The following FSTL5 variants were observed in gnomAD, a reference collection of about 807,000 sequenced individuals.
The protein encoded by FSTL5 is follistatin like 5.
Under a neutral mutation model 89.1 loss-of-function variants are expected in FSTL5, and 62 were observed. The ratio of observed to expected loss-of-function variants is 0.70; its 90% confidence interval spans 0.57 to 0.86. The LOEUF is 0.86. Among genes scored for constraint, FSTL5 ranks in the 40% least tolerant of loss-of-function variants. FSTL5 has a pLI of 0.00. For synonymous variants in FSTL5, 383 were observed against 346.2 expected (o/e 1.11, Z -1.18); for missense variants, 1,057 against 1,001.6 (o/e 1.06, Z -0.75).
At chr4:162,141,967 C>A (rs1483497862) in intron 1 of FSTL5, among the ~76,000 whole-genome samples, 1 of 152,070 alleles carries the variant, frequency 6.6e-6, no homozygotes, top group African/African-American at 2.4e-5. Flanking sequence ...TCATTGAGAG[C>A]AGTGGTTCTC....
intron 2 of FSTL5, among the ~76,000 whole-genome samples, chr4:162,077,602 T>C (rs13107232): frequency 0.11 from 16,638 of 151,752 alleles, 1,199 homozygotes; most frequent in Non-Finnish European, 0.16. Context: ...ACTTGTAAGA[T>C]TTTGATAATT....
chr4:161,475,995 C>A (rs545954607), intron 13 of FSTL5, among the ~76,000 whole-genome samples: 1 of 151,844 alleles, frequency 6.6e-6, no homozygotes, highest in African/African-American at 2.4e-5. Flanking sequence ...CCTCGTGATC[C>A]GCCCGCCTGG....
chr4:161,803,612 T>A (rs1457612952), intron 4 of FSTL5, among the ~76,000 whole-genome samples: 2 of 151,966 alleles, frequency 1.3e-5, no homozygotes, highest in Non-Finnish European at 2.9e-5. Flanking sequence ...TATTATCTGA[T>A]TACCCAAAAT....
At chr4:161,726,319 C>G (rs1295939119) in intron 6 of FSTL5, among the ~76,000 whole-genome samples, 1 of 150,768 alleles carries the variant, frequency 6.6e-6, no homozygotes, top group African/African-American at 2.4e-5. Context: ...CTCCGCCTCC[C>G]GGGTTCAAGC....
At chr4:161,587,709 T>A in intron 7 of FSTL5, 134 bp from the exon 8 acceptor site, 1 of 616,788 alleles carries the variant, frequency 1.6e-6, no homozygotes, top group Non-Finnish European at 2.7e-6. Context: ...TGAGCATTGT[T>A]GGGTGTATAA....
intron 4 of FSTL5, among the ~76,000 whole-genome samples, chr4:161,890,290 G>A (rs988141959): frequency 1.3e-5 from 2 of 152,146 alleles, no homozygotes; most frequent in Non-Finnish European, 2.9e-5. Context: ...GCAGGATGAT[G>A]TCAAATTATC....
intron 3 of FSTL5, among the ~76,000 whole-genome samples, chr4:161,998,616 A>G (rs1736370011): frequency 6.6e-6 from 1 of 152,118 alleles, no homozygotes; most frequent in South Asian, 2.1e-4. Flanking sequence ...GACATTTTTA[A>G]CAAGTGTCTA....
chr4:161,717,661 A>T (rs989977974), intron 6 of FSTL5, among the ~76,000 whole-genome samples: 1 of 152,130 alleles, frequency 6.6e-6, no homozygotes, highest in African/African-American at 2.4e-5. Flanking sequence ...GGTTAAGTAA[A>T]CTTTTATGTA....
intron 13 of FSTL5, among the ~76,000 whole-genome samples, chr4:161,462,318 CCT>C (rs1490571139): frequency 6.6e-6 from 1 of 152,144 alleles, no homozygotes; most frequent in Non-Finnish European, 1.5e-5. Context: ...CTTATTTATG[CCT>C]CATGTATAAA....
At chr4:161,985,075 G>GAA (rs1203220859) in intron 3 of FSTL5, among the ~76,000 whole-genome samples, 3 of 151,678 alleles carry the variant, frequency 2.0e-5, no homozygotes, top group African/African-American at 7.3e-5. Context: ...TCGTGCTTCA[G>GAA]CCTCCGGAGT....
intron 6 of FSTL5, among the ~76,000 whole-genome samples, chr4:161,674,904 T>G (rs1306412773): frequency 1.3e-5 from 2 of 152,110 alleles, no homozygotes; most frequent in East Asian, 3.9e-4. Flanking sequence ...TTGCCACACT[T>G]CGGGGGCTCC....
chr4:161,593,451 T>G (rs1037227211), intron 7 of FSTL5, among the ~76,000 whole-genome samples: 1 of 151,636 alleles, frequency 6.6e-6, no homozygotes, highest in African/African-American at 2.4e-5. Flanking sequence ...CTATTGAATC[T>G]GACCTTGAAA....
At chr4:162,050,618 G>A (rs1738348413) in intron 2 of FSTL5, among the ~76,000 whole-genome samples, 2 of 150,132 alleles carry the variant, frequency 1.3e-5, no homozygotes, top group African/African-American at 2.4e-5. Context: ...AAAAACTCCA[G>A]GAGAATTTGA....
chr4:161,540,674 C>T (rs1578910650), intron 9 of FSTL5, among the ~76,000 whole-genome samples: 1 of 152,014 alleles, frequency 6.6e-6, no homozygotes, highest in Admixed American at 6.6e-5. Flanking sequence ...TCTAAGCCTC[C>T]CCACCAGGAG....
At chr4:162,032,407 A>G (rs1288588932) in intron 3 of FSTL5, among the ~76,000 whole-genome samples, 1 of 152,162 alleles carries the variant, frequency 6.6e-6, no homozygotes. Flanking sequence ...TTGAGTATAA[A>G]TAAGTGTAAT....
intron 4 of FSTL5, among the ~76,000 whole-genome samples, chr4:161,782,977 G>A (rs1229983663): frequency 6.6e-6 from 1 of 152,058 alleles, no homozygotes; most frequent in African/African-American, 2.4e-5. Flanking sequence ...GATCATATGT[G>A]CAACTTAGCC....
chr4:161,644,144 T>C (rs1736059741), intron 7 of FSTL5, among the ~76,000 whole-genome samples: 1 of 151,702 alleles, frequency 6.6e-6, no homozygotes, highest in African/African-American at 2.4e-5. Context: ...GAGGCGTTTG[T>C]TTACTTTTGA....
chr4:162,160,320 T>G (rs1201167628), intron 1 of FSTL5, among the ~76,000 whole-genome samples: 2 of 151,854 alleles, frequency 1.3e-5, no homozygotes, highest in African/African-American at 4.8e-5. Context: ...CTTTACTGTA[T>G]GGTTACCAAT....
At chr4:161,390,684 A>G (rs922386117) in intron 15 of FSTL5, among the ~76,000 whole-genome samples, 7 of 152,040 alleles carry the variant, frequency 4.6e-5, no homozygotes, top group African/African-American at 1.4e-4. Context: ...CCCTGTGTCA[A>G]CTTGTCATGG....
Sources: allele counts gnomAD v4.1 joint callset (sites outside exome capture counted in the v4.1 genomes callset), GRCh38; gene constraint gnomAD v4.1.1; transcripts MANE v1.5; gene names NCBI Gene and HGNC (gene_info 2026-07-23, HGNC 2026-07-21).